The following XPO4 variants were observed in gnomAD, a reference collection of about 807,000 sequenced individuals.
XPO4 encodes exportin-4.
Under a neutral mutation model 143.0 loss-of-function variants are expected in XPO4, and 39 were observed. The ratio of observed to expected loss-of-function variants is 0.27; its 90% CI spans 0.21 to 0.36. XPO4 has a LOEUF of 0.36. Ranked by LOEUF, XPO4 falls within the 10% of genes least tolerant of loss-of-function variation. The pLI is 1.00. For synonymous variants in XPO4, 439 were observed against 474.0 expected, an observed-to-expected ratio of 0.93 and a Z score of 0.96; for missense variants, 907 against 1,348.0, an observed-to-expected ratio of 0.67 and a Z score of 5.12.
chr13:20,826,207 T>C (rs750415554), intron 7 of XPO4, among the ~76,000 whole-genome samples: 10 of 152,228 alleles, frequency 6.6e-5, no homozygotes, highest in Non-Finnish European at 1.5e-4. Context: ...GGATACACAC[T>C]GGCCAATGTG....
intron 1 of XPO4, among the ~76,000 whole-genome samples, chr13:20,892,658 T>C (rs1343674757): frequency 1.3e-5 from 2 of 151,882 alleles, no homozygotes; most frequent in Non-Finnish European, 2.9e-5. Flanking sequence ...AAATAAGGTG[T>C]TATAAAAGAA....
In XPO4 at chr13:20,800,895, A is replaced by G. The variant is rs755561586; in HGVS notation, c.1913T>C (p.Ile638Thr). The G allele has an allele frequency of 7.4e-6, 12 of 1,613,930 alleles. No homozygotes were observed. The highest frequency in any genetic ancestry group is 1.0e-5 in the Non-Finnish European group (12 of 1,179,980). Residue 638 changes from isoleucine to threonine, a missense_variant, in exon 14 of 23, where the codon ATT (isoleucine) becomes ACT (threonine). Physicochemically the swap from Ile to Thr is moderately conservative, Grantham distance 89. Coordinates refer to ENST00000255305, the MANE Select transcript of XPO4 (RefSeq NM_022459.5). The part of the protein sequence containing the change: ...HLLSPQMGKD[I>T]VWFLKRWAKT... ...TGCCCAGCGTTTTAAAAACCAAACA[A>G]TATCTTTGCCCATCTGGGGACTTAG...
intron 9 of XPO4, among the ~76,000 whole-genome samples, chr13:20,813,028 G>A (rs906431660): frequency 2.6e-5 from 4 of 152,160 alleles, no homozygotes; most frequent in Admixed American, 2.0e-4. Flanking sequence ...CAGGAAGGAT[G>A]ACTGGGAGGC....
chr13:20,885,842 CAAAAT>C (rs2060457248), intron 1 of XPO4, among the ~76,000 whole-genome samples: 1 of 151,888 alleles, frequency 6.6e-6, no homozygotes, highest in South Asian at 2.1e-4. Context: ...AAATTCTAAT[CAAAAT>C]AAAGTTAATG....
intron 18 of XPO4, among the ~76,000 whole-genome samples, chr13:20,795,091 A>T (rs2059339535): frequency 6.6e-5 from 10 of 152,208 alleles, no homozygotes; most frequent in Admixed American, 6.5e-4. Context: ...GATTGGGATA[A>T]ATAAGTCAAG....
At chr13:20,847,253 T>C (rs994728428) in intron 4 of XPO4, among the ~76,000 whole-genome samples, 1 of 152,206 alleles carries the variant, frequency 6.6e-6, no homozygotes, top group African/African-American at 2.4e-5. Context: ...TCCCTATTCA[T>C]AGGGGAATTA....
intron 1 of XPO4, among the ~76,000 whole-genome samples, chr13:20,869,191 T>A (rs1029072300): frequency 2.6e-5 from 4 of 152,110 alleles, no homozygotes; most frequent in African/African-American, 9.7e-5. Flanking sequence ...AAAATCACTA[T>A]CAAACCAGAA....
At chr13:20,801,460 T>C (rs548617925) in intron 13 of XPO4, among the ~76,000 whole-genome samples, 40 of 152,370 alleles carry the variant, frequency 2.6e-4, no homozygotes, top group African/African-American at 8.4e-4. Flanking sequence ...TTAGAAAGTT[T>C]TGAATATTGA....
chr13:20,880,186 C>G (rs1458445753), intron 1 of XPO4, among the ~76,000 whole-genome samples: 2 of 152,194 alleles, frequency 1.3e-5, no homozygotes, highest in African/African-American at 4.8e-5. Context: ...GTAATCCCAG[C>G]ACTTTGGGAG....
intron 6 of XPO4, 93 bp from the exon 7 acceptor site, chr13:20,827,272 T>C (rs1283644123): frequency 3.0e-5 from 26 of 860,080 alleles, no homozygotes; most frequent in Non-Finnish European, 4.6e-5. Context: ...CTAGAAAGAA[T>C]TTGTAATGGT....
chr13:20,822,544 G>A (rs566575441), intron 7 of XPO4, among the ~76,000 whole-genome samples: 2 of 152,312 alleles, frequency 1.3e-5, no homozygotes, highest in South Asian at 4.1e-4. Flanking sequence ...AGCATGTTAT[G>A]ACAAAGAGAG....
intron 1 of XPO4, among the ~76,000 whole-genome samples, chr13:20,871,309 C>A (rs1043860379): frequency 6.6e-6 from 1 of 152,088 alleles, no homozygotes; most frequent in African/African-American, 2.4e-5. Flanking sequence ...CATGAGCCAC[C>A]GTGCCCAGTC....
chr13:20,830,527 T>C (rs1362375743), intron 6 of XPO4, among the ~76,000 whole-genome samples: 1 of 152,136 alleles, frequency 6.6e-6, no homozygotes, highest in African/African-American at 2.4e-5. Flanking sequence ...ATAATAAAAA[T>C]GCACATGTAC....
chr13:20,873,259 A>T (rs530298218), intron 1 of XPO4, among the ~76,000 whole-genome samples: 9 of 152,118 alleles, frequency 5.9e-5, no homozygotes, highest in Non-Finnish European at 1.2e-4. Context: ...AATCTGGAGA[A>T]CACGATCACT....
intron 2 of XPO4, chr13:20,865,489 C>T: frequency 1.0e-6 from 1 of 985,404 alleles, no homozygotes; most frequent in Non-Finnish European, 1.2e-6. Context: ...GACTAGGACA[C>T]TGTCCAGAGA....
chr13:20,838,572 T>C (rs2059941896), intron 6 of XPO4, among the ~76,000 whole-genome samples: 1 of 139,488 alleles, frequency 7.2e-6, no homozygotes, highest in Non-Finnish European at 1.5e-5. Flanking sequence ...ATCATGCCAC[T>C]GCACTCCAGC....
Position 20,796,944 on chromosome 13 carries a change from C to T in XPO4, c.2436G>A (p.Leu812=), listed in dbSNP as rs2059365985. 1 of 1,614,136 alleles carries T rather than the reference C, an allele frequency of 6.2e-7. No individual in the cohort carries two copies. The highest frequency in any genetic ancestry group is 8.5e-7 in the Non-Finnish European group (1 of 1,180,014). Reference sequence around the variant, plus strand: ...TCTGGGTAGCCTCAGCAATGCCACACAGGGCCTCTAGTGTGGCAGTGATTT... The same window carrying T: ...TCTGGGTAGCCTCAGCAATGCCACATAGGGCCTCTAGTGTGGCAGTGATTT... The part of the protein sequence containing the change: ...KQEITATLEA[L]CGIAEATQID... Residue 812 remains leucine, a synonymous_variant, in exon 17 of 23, where the codon CTG becomes CTA. Transcript: ENST00000255305.
At chr13:20,805,193 C>T (rs1032014877) in intron 13 of XPO4, among the ~76,000 whole-genome samples, 1 of 152,156 alleles carries the variant, frequency 6.6e-6, no homozygotes, top group Non-Finnish European at 1.5e-5. Flanking sequence ...AATCTGCCCA[C>T]ATTGGCCTCC....
intron 1 of XPO4, among the ~76,000 whole-genome samples, chr13:20,887,070 CA>C (rs921287514): frequency 2.1e-5 from 3 of 144,498 alleles, no homozygotes; most frequent in Non-Finnish European, 3.0e-5. Flanking sequence ...AACTCCGTCT[CA>C]AAAAAAAAAT....
Sources: allele counts gnomAD v4.1 joint callset (sites outside exome capture counted in the v4.1 genomes callset), GRCh38; gene constraint gnomAD v4.1.1; transcripts MANE v1.5; gene names NCBI Gene and HGNC (gene_info 2026-07-23, HGNC 2026-07-21).